The following ANO6 variants were observed in gnomAD, a reference collection of about 807,000 sequenced individuals.
The protein encoded by ANO6 is anoctamin 6.
Under a neutral mutation model 117.5 loss-of-function variants are expected in ANO6, and 106 were observed. The ratio of observed to expected loss-of-function variants is 0.90; its 90% CI spans 0.77 to 1.06. ANO6 has a LOEUF of 1.06. ANO6 is among the 50% of genes least tolerant of loss of function. ANO6 has a pLI of 0.00. For missense variants in ANO6, 955 were observed against 1,121.1 expected (o/e 0.85, Z 2.12); for synonymous variants, 367 against 385.1 (o/e 0.95, Z 0.55).
chr12:45,230,992 A>G (rs1278834519), intron 1 of ANO6, among the ~76,000 whole-genome samples: 4 of 152,144 alleles, frequency 2.6e-5, no homozygotes, highest in Admixed American at 2.6e-4. Flanking sequence ...CTGTAGTCCC[A>G]GCTACTCGGG....
chr12:45,302,578 C>T (rs983037982), intron 2 of ANO6, among the ~76,000 whole-genome samples: 41 of 152,072 alleles, frequency 2.7e-4, no homozygotes, highest in African/African-American at 9.4e-4. Context: ...TTGTTTCTAC[C>T]AGAAGGGAAC....
intron 7 of ANO6, among the ~76,000 whole-genome samples, chr12:45,351,748 T>G (rs542068488): frequency 2.2e-4 from 34 of 152,226 alleles, no homozygotes; most frequent in African/African-American, 7.9e-4. Context: ...CAGAGACCAG[T>G]GCTAGTGAGA....
At chr12:45,424,736 G>C (rs1403461163) in intron 19 of ANO6, among the ~76,000 whole-genome samples, 1 of 152,140 alleles carries the variant, frequency 6.6e-6, no homozygotes, top group African/African-American at 2.4e-5. Flanking sequence ...CTATCTTGGA[G>C]CTCAAGGAGA....
At chr12:45,288,361 A>C (rs1345815423) in intron 1 of ANO6, among the ~76,000 whole-genome samples, 1 of 152,186 alleles carries the variant, frequency 6.6e-6, no homozygotes, top group Non-Finnish European at 1.5e-5. Flanking sequence ...TTCATCTTGA[A>C]AAAGGTTGTT....
intron 10 of ANO6, among the ~76,000 whole-genome samples, chr12:45,383,591 G>A (rs565611456): frequency 4.3e-4 from 65 of 152,296 alleles, no homozygotes; most frequent in Admixed American, 4.2e-3. Context: ...CAGAACGGAT[G>A]TTGTGTTCAT....
At chr12:45,220,623 C>T (rs1018599583) in intron 1 of ANO6, among the ~76,000 whole-genome samples, 2 of 152,202 alleles carry the variant, frequency 1.3e-5, no homozygotes, top group Non-Finnish European at 2.9e-5. Flanking sequence ...TAGAACCAGA[C>T]TGTGATATTG....
intron 1 of ANO6, among the ~76,000 whole-genome samples, chr12:45,244,378 G>A (rs1227271008): frequency 2.1e-5 from 3 of 141,598 alleles, no homozygotes; most frequent in East Asian, 4.8e-4. Flanking sequence ...CCCAAGCAGC[G>A]GTTACTACAT....
chr12:45,286,756 G>A (rs1938929161), intron 1 of ANO6, among the ~76,000 whole-genome samples: 1 of 152,182 alleles, frequency 6.6e-6, no homozygotes, highest in Admixed American at 6.5e-5. Flanking sequence ...TTTACTATGT[G>A]TAAGTAACCA....
chr12:45,347,905 A>C, intron 4 of ANO6, 123 bp from the exon 5 acceptor site: 1 of 903,548 alleles, frequency 1.1e-6, no homozygotes, highest in South Asian at 1.7e-5. Context: ...TGTTATCTTC[A>C]CTTTTAGTGG....
At position 45,390,501 on chromosome 12, in the gene ANO6, A is replaced by T. The variant is rs1942418686; in HGVS notation, c.1386+3A>T. The stretch of plus-strand genomic sequence containing the variant: ...GTGCCAGTGCTGTCTTTTTCTGGGT[A>T]ATTCTATCACAAAAATGTTTTGAAT... On this transcript the variant is annotated splice_donor_region_variant and intron_variant, in intron 12 of 19. Transcript: ENST00000320560. 1 of 1,611,952 alleles carries T rather than the reference A, an allele frequency of 6.2e-7. No individual in the cohort carries two copies. The highest frequency in any genetic ancestry group is 1.3e-5 in the African/African-American group (1 of 74,888).
chr12:45,249,486 G>C (rs1273888592), intron 1 of ANO6, among the ~76,000 whole-genome samples: 3 of 152,124 alleles, frequency 2.0e-5, no homozygotes, highest in Non-Finnish European at 4.4e-5. Context: ...GAATTCTTCT[G>C]ATTCTAGAAG....
chr12:45,285,686 G>A (rs868020102), intron 1 of ANO6, among the ~76,000 whole-genome samples: 2 of 148,704 alleles, frequency 1.3e-5, no homozygotes, highest in African/African-American at 2.5e-5. Context: ...CCGAGATCGC[G>A]CCACTGCACT....
intron 1 of ANO6, among the ~76,000 whole-genome samples, chr12:45,276,229 T>G (rs984623036): frequency 6.6e-6 from 1 of 152,194 alleles, no homozygotes; most frequent in African/African-American, 2.4e-5. Flanking sequence ...CTTCTCTGTC[T>G]CCACTACTAT....
intron 2 of ANO6, among the ~76,000 whole-genome samples, chr12:45,315,367 T>C (rs951231265): frequency 9.9e-5 from 15 of 152,084 alleles, no homozygotes; most frequent in African/African-American, 3.6e-4. Context: ...ACAGTCCAGT[T>C]AGGAGATGAC....
intron 2 of ANO6, among the ~76,000 whole-genome samples, chr12:45,310,563 G>C (rs1939816523): frequency 6.6e-6 from 1 of 152,060 alleles, no homozygotes; most frequent in Non-Finnish European, 1.5e-5. Context: ...CAGCTTACTA[G>C]CTTCTATATT....
intron 8 of ANO6, among the ~76,000 whole-genome samples, chr12:45,364,387 T>C (rs951133789): frequency 3.9e-5 from 6 of 152,212 alleles, no homozygotes; most frequent in Admixed American, 6.5e-5. Context: ...TCTTCAAATA[T>C]TATTTCTGTT....
chr12:45,332,114 T>C (rs1940684250), intron 3 of ANO6, among the ~76,000 whole-genome samples: 1 of 152,074 alleles, frequency 6.6e-6, no homozygotes, highest in Admixed American at 6.6e-5. Flanking sequence ...ATTAAAACAG[T>C]AGGGCAGGTT....
chr12:45,273,561 CA>C (rs1178412348), intron 1 of ANO6, among the ~76,000 whole-genome samples: 1 of 152,190 alleles, frequency 6.6e-6, no homozygotes, highest in Non-Finnish European at 1.5e-5. Context: ...TTAGTTTCCT[CA>C]TTGGTAAAAT....
At chr12:45,411,585 CT>C (rs1432834560) in intron 16 of ANO6, among the ~76,000 whole-genome samples, 1 of 152,192 alleles carries the variant, frequency 6.6e-6, no homozygotes, top group Admixed American at 6.5e-5. Flanking sequence ...ACACAGTCCC[CT>C]CCTTCCCATT....
Sources: gnomAD v4.1 joint callset for allele counts (sites outside exome capture counted in the v4.1 genomes callset) on GRCh38, gnomAD v4.1.1 for gene constraint, MANE v1.5 for transcripts, NCBI Gene and HGNC (gene_info 2026-07-23, HGNC 2026-07-21) for gene names.